Variants in PARPBP observed in about 807,000 individuals in gnomAD.
The protein encoded by PARPBP is PCNA-interacting partner.
Under a neutral mutation model 50.0 loss-of-function variants are expected in PARPBP, and 52 were observed. The ratio of observed to expected loss-of-function variants is 1.04; its 90% CI spans 0.83 to 1.31. The LOEUF (loss-of-function observed/expected upper bound fraction) is 1.31. Ranked by LOEUF, PARPBP falls within the 50% of genes most tolerant of loss-of-function variation. The pLI is 0.00. For synonymous variants in PARPBP, 244 were observed against 232.1 expected, an observed-to-expected ratio of 1.05 and a Z score of -0.47; for missense variants, 697 against 672.0, an observed-to-expected ratio of 1.04 and a Z score of -0.41.
intron 6 of PARPBP, 43 bp from the exon 7 acceptor site, chr12:102,175,440 A>G: frequency 7.7e-7 from 1 of 1,307,114 alleles, no homozygotes; most frequent in Non-Finnish European, 1.1e-6. Context: ...GCATATTATA[A>G]TTTGCAATAC....
chr12:102,127,774 CAG>C (rs1241713133), intron 2 of PARPBP, among the ~76,000 whole-genome samples: 4 of 152,068 alleles, frequency 2.6e-5, no homozygotes, highest in Non-Finnish European at 5.9e-5. Flanking sequence ...GTTAATAAAA[CAG>C]AGCAGTTTGT....
At chr12:102,161,912 G>T (rs1334073052) in intron 4 of PARPBP, among the ~76,000 whole-genome samples, 1 of 152,096 alleles carries the variant, frequency 6.6e-6, no homozygotes, top group Non-Finnish European at 1.5e-5. Context: ...TAATATGCAA[G>T]AAAAAATCTT....
intron 9 of PARPBP, among the ~76,000 whole-genome samples, chr12:102,186,838 C>T (rs1388636457): frequency 3.9e-5 from 6 of 151,976 alleles, no homozygotes; most frequent in Non-Finnish European, 8.8e-5. Flanking sequence ...CAGGAAAATA[C>T]TGGACCTTTA....
chr12:102,174,898 A>G lies in PARPBP; in HGVS notation c.822-585A>G, dbSNP rs558833057. On this transcript the variant is annotated intron_variant, in intron 6 of 10. Coordinates refer to ENST00000327680, the MANE Select transcript of PARPBP (RefSeq NM_017915.5). Reference sequence around the variant, plus strand: ...GCTTTAGGTCATTACTAACTTGCTTAGTTTCCTCTTCCATGTAATAAAACC... The same window carrying G: ...GCTTTAGGTCATTACTAACTTGCTTGGTTTCCTCTTCCATGTAATAAAACC... Among the ~76,000 whole-genome samples, 153 of 152,322 alleles carry G rather than the reference A, an allele frequency of 1.0e-3. 1 individual carries two copies. Among genetic ancestry groups the G allele is most frequent in the African/African-American group, 3.6e-3 (150 of 41,568 alleles).
chr12:102,196,288 A>C lies in PARPBP; in HGVS notation c.1737A>C (p.Leu579=). The C allele has an allele frequency of 6.4e-7, 1 of 1,568,258 alleles. No individual in the cohort carries two copies. The highest frequency in any genetic ancestry group is 8.6e-7 in the Non-Finnish European group (1 of 1,159,058). The change falls in exon 11 of 11, where the codon CTA becomes CTC. Residue 579 remains leucine, a synonymous_variant. Coordinates refer to ENST00000327680, the MANE Select transcript of PARPBP (RefSeq NM_017915.5). The part of the protein sequence containing the change: ...GQAKLTQFFR[L] ...CAAAGTTAACTCAGTTTTTTAGACT[A>C]TAAATTTGTGTCTTATATGCTTTAG...
Position 102,135,633 on chromosome 12 carries a change from G to T in PARPBP, c.153+11592G>T, listed in dbSNP as rs79780681. ...CAGGAAATAAAGATTAGTTTAATAA[G>T]GTTTGTATAGATTTCCCTGGACCTC... is the stretch of plus-strand genomic sequence containing the variant. On this transcript the variant is annotated intron_variant, in intron 2 of 10. Coordinates refer to ENST00000327680, the MANE Select transcript of PARPBP (RefSeq NM_017915.5). 6.6e-5 allele frequency among the ~76,000 whole-genome samples: 10 copies of T among 151,906 alleles called. No individual in the cohort carries two copies. In the East Asian group the frequency reaches 1.7e-3, roughly 26 times the overall value.
chr12:102,128,724 C>A (rs1248099525), intron 2 of PARPBP, among the ~76,000 whole-genome samples: 1 of 152,170 alleles, frequency 6.6e-6, no homozygotes, highest in Admixed American at 6.6e-5. Flanking sequence ...ATCCATTCAT[C>A]CATTGATGGA....
At chr12:102,132,391 C>T (rs1270419885) in intron 2 of PARPBP, among the ~76,000 whole-genome samples, 1 of 152,080 alleles carries the variant, frequency 6.6e-6, no homozygotes, top group African/African-American at 2.4e-5. Flanking sequence ...CCCAGTTGTC[C>T]AACATTTATT....
chr12:102,173,329 A>G (rs1888939623), intron 6 of PARPBP, among the ~76,000 whole-genome samples: 1 of 152,250 alleles, frequency 6.6e-6, no homozygotes, highest in Non-Finnish European at 1.5e-5. Context: ...CTGCTTAAGA[A>G]TAAGACAAGA....
In PARPBP at chr12:102,154,111, G is replaced by T. The variant is rs144167054; in HGVS notation, c.495+135G>T. ...CTTTAGTATGTTTAAAACTGTATTCGCAAAGAATAATACATTGGAGGCTGG... is the reference window on the plus strand; with the variant it reads ...CTTTAGTATGTTTAAAACTGTATTCTCAAAGAATAATACATTGGAGGCTGG... On this transcript the variant is annotated intron_variant, in intron 4 of 10. Transcript: ENST00000327680. 3.2e-5 allele frequency: 18 copies of T among 560,950 alleles called. No homozygotes were observed. In the East Asian group the frequency reaches 3.7e-4, roughly 12 times the overall value. The allele number at this position is 560,950 out of a possible 1,614,324, so 34.7% of individuals were successfully genotyped here.
At chr12:102,154,777 A>G in intron 4 of PARPBP, 1 of 435,890 alleles carries the variant, frequency 2.3e-6, no homozygotes, top group Non-Finnish European at 4.5e-6. Flanking sequence ...TTGTGGAGGA[A>G]AATTTGCGTT....
At chr12:102,147,918 C>A (rs1191320734) in intron 2 of PARPBP, among the ~76,000 whole-genome samples, 1 of 151,998 alleles carries the variant, frequency 6.6e-6, no homozygotes, top group Non-Finnish European at 1.5e-5. Context: ...TACTGCCCAC[C>A]CATCCATCCA....
chr12:102,161,786 G>C (rs1278219298), intron 4 of PARPBP, among the ~76,000 whole-genome samples: 2 of 152,164 alleles, frequency 1.3e-5, no homozygotes, highest in Non-Finnish European at 2.9e-5. Context: ...AAAGTATGCA[G>C]AGAATTATAA....
intron 6 of PARPBP, among the ~76,000 whole-genome samples, chr12:102,171,277 CACTAT>C (rs1888700019): frequency 6.6e-6 from 1 of 151,832 alleles, no homozygotes; most frequent in Admixed American, 6.6e-5. Context: ...TAATTATGTG[CACTAT>C]ACTATTATAT....
chr12:102,135,181 T>TAAGGA (rs1883435034), intron 2 of PARPBP, among the ~76,000 whole-genome samples: 1 of 151,984 alleles, frequency 6.6e-6, no homozygotes, highest in African/African-American at 2.4e-5. Flanking sequence ...GGAATATGTA[T>TAAGGA]AAGGAAATGA....
intron 4 of PARPBP, among the ~76,000 whole-genome samples, chr12:102,160,928 A>G (rs1006908775): frequency 2.0e-5 from 3 of 151,562 alleles, no homozygotes; most frequent in African/African-American, 7.3e-5. Flanking sequence ...AGCCTGGGCA[A>G]CAAGAGGGAA....
intron 5 of PARPBP, among the ~76,000 whole-genome samples, chr12:102,165,138 TTTGA>T (rs1345429837): frequency 6.6e-6 from 1 of 152,220 alleles, no homozygotes; most frequent in African/African-American, 2.4e-5. Flanking sequence ...ACATTTCATG[TTTGA>T]TTGGAACACT....
chr12:102,188,195 T>A (rs1890476026), intron 9 of PARPBP, among the ~76,000 whole-genome samples: 1 of 152,002 alleles, frequency 6.6e-6, no homozygotes, highest in Non-Finnish European at 1.5e-5. Flanking sequence ...TAGGGAGCCT[T>A]ACTACAATAG....
chr12:102,192,480 G>C (rs984641080), intron 9 of PARPBP, among the ~76,000 whole-genome samples: 1 of 151,972 alleles, frequency 6.6e-6, no homozygotes, highest in Non-Finnish European at 1.5e-5. Context: ...TTTTTGTGCT[G>C]CTTTCTTAGT....
Sources: gnomAD v4.1 joint callset for allele counts (sites outside exome capture counted in the v4.1 genomes callset) on GRCh38, gnomAD v4.1.1 for gene constraint, MANE v1.5 for transcripts, NCBI Gene and HGNC (gene_info 2026-07-23, HGNC 2026-07-21) for gene names.